The following RMDN1 variants were observed in gnomAD, a reference collection of about 807,000 sequenced individuals.
The protein encoded by RMDN1 is regulator of microtubule dynamics 1, also known as regulator of microtubule dynamics protein 1.
A neutral mutation model predicts 48.9 loss-of-function variants in RMDN1; 48 were observed. That is an observed-to-expected ratio of 0.98 (90% CI 0.78 to 1.25). The LOEUF (loss-of-function observed/expected upper bound fraction) is 1.25. RMDN1 is among the 50% of genes most tolerant of loss of function. The pLI, the probability that RMDN1 is intolerant of heterozygous loss-of-function variation, is 0.00. For missense variants in RMDN1, 418 were observed against 373.4 expected (o/e 1.12, Z -0.98); for synonymous variants, 148 against 132.6 (o/e 1.12, Z -0.80).
At chr8:86,508,330 T>C (rs1220297461) in intron 1 of RMDN1, 162 bp downstream of exon 1, 10 of 722,124 alleles carry the variant, frequency 1.4e-5, no homozygotes, top group East Asian at 6.5e-5. Flanking sequence ...GTTTGCAAAA[T>C]GGAAGGGACC....
rs773931757 is a variant in RMDN1, at chr8:86,508,615, C to T, written c.6G>A (p.Ala2=). The change falls in exon 1 of 10, where the codon GCG becomes GCA. Residue 2 remains alanine (A), a synonymous_variant. Transcript: ENST00000406452. ...GAAGGCGCCACAGTCGAGCAGCCAG[C>T]GCCATGACCTGCAACTTGCGGGCTG... M[A]LAARLWRLLP... 10 of 1,600,104 alleles carry T rather than the reference C, an allele frequency of 6.2e-6. No individual in the cohort carries two copies. Among genetic ancestry groups the T allele is most frequent in the African/African-American group, 5.4e-5 (4 of 74,564 alleles).
chr8:86,484,657 G>A (rs1815149773), intron 5 of RMDN1: 1 of 305,156 alleles, frequency 3.3e-6, no homozygotes, highest in Non-Finnish European at 6.0e-6. Context: ...GGCGGAGGTT[G>A]TAGTGAGCTG....
At position 86,486,502 on chromosome 8, in the gene RMDN1, T is replaced by A. The variant is rs1375910437; in HGVS notation, c.477A>T (p.Ser159=). 4 of 1,598,214 alleles carry A rather than the reference T, an allele frequency of 2.5e-6. No individual in the cohort carries two copies. In the East Asian group the frequency reaches 8.9e-5, roughly 36 times the overall value. The change falls in exon 4 of 10, where the codon TCA becomes TCT. Residue 159 remains serine (S), a synonymous_variant. Coordinates refer to ENST00000406452, the MANE Select transcript of RMDN1 (RefSeq NM_016033.3). ...AACTCACCTTATGAGATGCAAAACT[T>A]GATTCATTTTTTTCTAGTGCTCTTT... ...YAKRALEKNE[S]SFASHKWYAI...
intron 6 of RMDN1, 147 bp downstream of exon 6, chr8:86,480,130 G>C (rs958531347): frequency 2.0e-5 from 9 of 445,906 alleles, no homozygotes; most frequent in Admixed American, 4.0e-5. Context: ...TATATACAAG[G>C]GCTAGTTAAT....
At position 86,473,727 on chromosome 8, in the gene RMDN1, C is replaced by CT. The variant is rs768112560; in HGVS notation, c.*580dup. 3.5e-4 allele frequency: 270 copies of CT among 774,102 alleles called. 1 individual carries two copies. Among genetic ancestry groups the CT allele is most frequent in the Non-Finnish European group, 4.0e-4 (257 of 637,288 alleles). The allele number at this position is 774,102 out of a possible 1,614,324, so 48.0% of individuals were successfully genotyped here. A position where few individuals can be genotyped will look rare whatever the true frequency, so the allele number is the denominator to read the frequency against. On this transcript the variant is annotated 3_prime_UTR_variant, in exon 10 of 10. Coordinates refer to ENST00000406452, the MANE Select transcript of RMDN1 (RefSeq NM_016033.3). ...GCTGCAGTGGGCCGAGATTGTGCCACTGCACACCAGCCTGGGAAACAAAGT... is the reference window on the plus strand; with the variant it reads ...GCTGCAGTGGGCCGAGATTGTGCCACTTGCACACCAGCCTGGGAAACAAAGT...
intron 2 of RMDN1, among the ~76,000 whole-genome samples, chr8:86,501,920 T>TAA (rs35744960): frequency 8.7e-4 from 120 of 137,752 alleles, no homozygotes; most frequent in Non-Finnish European, 1.6e-3. Flanking sequence ...TAAATACATT[T>TAA]AAAAAAAAAA....
Position 86,492,101 on chromosome 8 carries a change from G to A in RMDN1, c.248-3462C>T, listed in dbSNP as rs549644990. 1.2e-4 allele frequency among the ~76,000 whole-genome samples: 19 copies of A among 152,204 alleles called. No homozygotes were observed. In the South Asian group the frequency reaches 3.9e-3, roughly 32 times the overall value. On this transcript the variant is annotated intron_variant, in intron 2 of 9. Coordinates refer to ENST00000406452, the MANE Select transcript of RMDN1 (RefSeq NM_016033.3). ...ACAAAGGAACACTGATCTCAGTTCT[G>A]TAGGTTCATCAATAAAGAGGAATTT...
At position 86,484,897 on chromosome 8, in the gene RMDN1, G is replaced by C. The variant is rs1188168342; in HGVS notation, c.560C>G (p.Ala187Gly). The change falls in exon 5 of 10, where the codon GCA (alanine) becomes GGA (glycine). Residue 187 changes from alanine (A) to glycine (G), a missense_variant. Transcript: ENST00000406452. Reference sequence around the variant, plus strand: ...CTCAAAATGCTCCTTGATGATATATGCATTTGCAATTTTAGCCTTGATGCC... The same window carrying C: ...CTCAAAATGCTCCTTGATGATATATCCATTTGCAATTTTAGCCTTGATGCC... The part of the protein sequence containing the change: ...YEGIKAKIAN[A>G]YIIKEHFEKA... The C allele has an allele frequency of 1.2e-6, 2 of 1,603,008 alleles. No homozygotes were observed. The highest frequency in any genetic ancestry group is 1.7e-6 in the Non-Finnish European group (2 of 1,172,044).
chr8:86,473,174 T>C lies in RMDN1; in HGVS notation c.*1134A>G, dbSNP rs1269730871. 1 of 985,248 alleles carries C rather than the reference T, an allele frequency of 1.0e-6. No homozygotes were observed. Among genetic ancestry groups the C allele is most frequent in the East Asian group, 1.1e-4 (1 of 8,812 alleles). 61.0% of individuals were successfully genotyped at this position (985,248 alleles called of 1,614,324 possible). On this transcript the variant is annotated 3_prime_UTR_variant, in exon 10 of 10. Coordinates refer to ENST00000406452, the MANE Select transcript of RMDN1 (RefSeq NM_016033.3). ...TTTCCTTTTTGTTTGAAAATGTACA[T>C]GACAAACATATCCATACAGTTCATT...
chr8:86,500,007 C>T (rs995631506), intron 2 of RMDN1, among the ~76,000 whole-genome samples: 2 of 151,986 alleles, frequency 1.3e-5, no homozygotes, highest in African/African-American at 4.8e-5. Flanking sequence ...GAAACTAGAC[C>T]CCTTTCACCA....
In RMDN1 at chr8:86,505,187, C is replaced by G. The variant is rs1358869669; in HGVS notation, c.247+1808G>C. The G allele has an allele frequency of 1.0e-5, 9 of 899,780 alleles. No homozygotes were observed. In the East Asian group the frequency reaches 2.7e-4, roughly 27 times the overall value. 55.7% of individuals were successfully genotyped at this position (899,780 alleles called of 1,614,324 possible). On this transcript the variant is annotated intron_variant, in intron 2 of 9. Coordinates refer to ENST00000406452, the MANE Select transcript of RMDN1 (RefSeq NM_016033.3). ...GCTGCTACTTGATTCCTTTCTTATC[C>G]CACGCACTCCATGCGCACCTCAAGG...
chr8:86,513,087 T>C (rs1820135374), upstream of RMDN1, among the ~76,000 whole-genome samples: 1 of 151,376 alleles, frequency 6.6e-6, no homozygotes, highest in African/African-American at 2.4e-5. Context: ...TTAAATGAAC[T>C]TAAGAGGCCA....
At chr8:86,494,859 A>G in intron 2 of RMDN1, 1 of 369,992 alleles carries the variant, frequency 2.7e-6, no homozygotes, top group Non-Finnish European at 5.2e-6. Flanking sequence ...CTGTAATCCC[A>G]GCTACTTGGG....
intron 2 of RMDN1, among the ~76,000 whole-genome samples, chr8:86,489,517 A>G (rs1816097783): frequency 6.6e-6 from 1 of 152,146 alleles, no homozygotes; most frequent in Non-Finnish European, 1.5e-5. Flanking sequence ...ACTTTAATTA[A>G]TCACAGTATA....
At chr8:86,477,661 G>GT (rs1307128363) in intron 7 of RMDN1, among the ~76,000 whole-genome samples, 1 of 152,096 alleles carries the variant, frequency 6.6e-6, no homozygotes, top group Non-Finnish European at 1.5e-5. Flanking sequence ...GTGATTTTTA[G>GT]TAAAAACAAA....
chr8:86,504,926 C>T (rs1819056351), intron 2 of RMDN1: 26 of 1,212,050 alleles, frequency 2.1e-5, no homozygotes, highest in Middle Eastern at 3.8e-4. Flanking sequence ...TCTTCAAAGT[C>T]CCTGAGACCC....
chr8:86,471,287 A>C (rs1812540516), downstream of RMDN1, among the ~76,000 whole-genome samples: 1 of 152,074 alleles, frequency 6.6e-6, no homozygotes, highest in Admixed American at 6.6e-5. Context: ...ACAAAAAACA[A>C]ACAACTAAGC....
At chr8:86,470,468 A>G, downstream of RMDN1, 2 of 1,213,608 alleles carry the variant, frequency 1.6e-6, no homozygotes, top group Non-Finnish European at 2.1e-6. Flanking sequence ...GGAAGGCACC[A>G]TGTCTTGCAG....
At chr8:86,504,533 T>C (rs1354447625) in intron 2 of RMDN1, 1 of 1,399,626 alleles carries the variant, frequency 7.1e-7, no homozygotes, top group Non-Finnish European at 1.0e-6. Flanking sequence ...TTTAATACTA[T>C]CTTCACTGTA....
Sources: gnomAD v4.1 joint callset for allele counts (sites outside exome capture counted in the v4.1 genomes callset) on GRCh38, gnomAD v4.1.1 for gene constraint, MANE v1.5 for transcripts, NCBI Gene and HGNC (gene_info 2026-07-23, HGNC 2026-07-21) for gene names.